ADAM23: variants seen among roughly 807,000 people sequenced by gnomAD.
ADAM23 encodes the protein disintegrin and metalloproteinase domain-containing protein 23.
In ADAM23, 33 loss-of-function variants were observed where a neutral mutation model predicts 120.1. That is an observed-to-expected ratio of 0.27 (90% CI 0.21 to 0.37). The LOEUF (loss-of-function observed/expected upper bound fraction) is 0.37, where lower values mean the gene tolerates loss of function less well. ADAM23 is among the 10% of genes least tolerant of loss of function. The pLI is 1.00. For synonymous variants in ADAM23, 367 were observed against 375.2 expected, an observed-to-expected ratio of 0.98 and a Z score of 0.25; for missense variants, 862 against 1,058.2, an observed-to-expected ratio of 0.81 and a Z score of 2.57.
In ADAM23 at chr2:206,575,694, T is replaced by C. The variant is rs192069304; in HGVS notation, c.1737+2499T>C. On this transcript the variant is annotated intron_variant, in intron 18 of 25. Coordinates refer to ENST00000264377, the MANE Select transcript of ADAM23 (RefSeq NM_003812.4). Reference sequence around the variant, plus strand: ...CTAAAAGTTATCTTTAAGATCCCAGTTCAGGCTATAGCAACAGGTTACTGA... The same window carrying C: ...CTAAAAGTTATCTTTAAGATCCCAGCTCAGGCTATAGCAACAGGTTACTGA... Among the ~76,000 whole-genome samples, 404 of 152,266 alleles carry C rather than the reference T, an allele frequency of 2.7e-3. 2 individuals carry two copies. Among genetic ancestry groups the C allele is most frequent in the African/African-American group, 9.2e-3 (383 of 41,556 alleles).
At chr2:206,585,328 G>C (rs1230651745) in intron 18 of ADAM23, among the ~76,000 whole-genome samples, 4 of 152,172 alleles carry the variant, frequency 2.6e-5, no homozygotes, top group Non-Finnish European at 5.9e-5. Flanking sequence ...AGTGGCTCTG[G>C]ATGGATTAAA....
chr2:206,572,010 C>T (rs1698011155), intron 17 of ADAM23, among the ~76,000 whole-genome samples, 194 bp downstream of exon 17: 1 of 152,142 alleles, frequency 6.6e-6, no homozygotes, highest in African/African-American at 2.4e-5. Flanking sequence ...TATTCACTAC[C>T]AACCATCTTA....
intron 4 of ADAM23, among the ~76,000 whole-genome samples, chr2:206,540,137 A>G (rs1267881752): frequency 6.6e-6 from 1 of 151,114 alleles, no homozygotes; most frequent in Non-Finnish European, 1.5e-5. Flanking sequence ...AGCTGAGATC[A>G]TGCCACTGCA....
At position 206,615,168 on chromosome 2, in the gene ADAM23, T is replaced by C. The variant is rs550550553; in HGVS notation, c.2451-2411T>C. Among the ~76,000 whole-genome samples, 43 of 152,346 alleles carry C rather than the reference T, an allele frequency of 2.8e-4. 1 individual carries two copies. The South Asian group carries it at 8.1e-3, about 29-fold the overall frequency. On this transcript the variant is annotated intron_variant, in intron 25 of 25. Coordinates refer to ENST00000264377, the MANE Select transcript of ADAM23 (RefSeq NM_003812.4). ...CTGAAAGAGTCTTGCTTTAATTTTG[T>C]GTAGATGTTATGTGTATAATGTATA...
chr2:206,582,767 C>T (rs1360464307), intron 18 of ADAM23, among the ~76,000 whole-genome samples: 1 of 152,166 alleles, frequency 6.6e-6, no homozygotes, highest in Non-Finnish European at 1.5e-5. Context: ...GGAAAATTCT[C>T]TCAGCATTTG....
Position 206,557,557 on chromosome 2 carries a change from G to T in ADAM23, c.1005+59G>T, listed in dbSNP as rs112088120. Reference sequence around the variant, plus strand: ...AAGATGGAATGGTTTATCTCTATTTGCTTACTTGTACTTTAGGTATTTCTT... The same window carrying T: ...AAGATGGAATGGTTTATCTCTATTTTCTTACTTGTACTTTAGGTATTTCTT... On this transcript the variant is annotated intron_variant, in intron 10 of 25. Coordinates refer to ENST00000264377, the MANE Select transcript of ADAM23 (RefSeq NM_003812.4). 7.1e-4 allele frequency: 1,016 copies of T among 1,426,346 alleles called. 8 individuals are homozygous for T. In the African/African-American group the frequency reaches 0.011, roughly 16 times the overall value. The allele number at this position is 1,426,346 out of a possible 1,614,324, so 88.4% of individuals were successfully genotyped here. A position where few individuals can be genotyped will look rare whatever the true frequency, so the allele number is the denominator to read the frequency against.
chr2:206,548,293 GTGACCA>G lies in ADAM23; in HGVS notation c.807_812del (p.Asp270_Gln271del), dbSNP rs1196929423. On this transcript the variant is annotated inframe_deletion, in exon 8 of 26. Coordinates refer to ENST00000264377, the MANE Select transcript of ADAM23 (RefSeq NM_003812.4). The stretch of plus-strand genomic sequence containing the variant: ...TTCCTTTCTGCAGCTATGGAAAGAG[GTGACCA>G]GTGGCCCTTTCTCTCTGAATTACAG... 6.2e-7 allele frequency: 1 copy of G among 1,612,432 alleles called. No individual in the cohort carries two copies. The highest frequency in any genetic ancestry group is 1.1e-5 in the South Asian group (1 of 91,066).
At chr2:206,490,306 T>C (rs1181472856) in intron 3 of ADAM23, among the ~76,000 whole-genome samples, 1 of 152,222 alleles carries the variant, frequency 6.6e-6, no homozygotes, top group Non-Finnish European at 1.5e-5. Flanking sequence ...ACTACCAGTC[T>C]GTGGTACTTT....
chr2:206,526,887 C>T (rs1045762834), intron 3 of ADAM23, among the ~76,000 whole-genome samples: 15 of 152,098 alleles, frequency 9.9e-5, no homozygotes, highest in African/African-American at 3.6e-4. Flanking sequence ...TTCTAGAGTT[C>T]CTAGAGTTTT....
chr2:206,543,866 G>A (rs1380513214), intron 6 of ADAM23, among the ~76,000 whole-genome samples: 1 of 152,172 alleles, frequency 6.6e-6, no homozygotes, highest in Non-Finnish European at 1.5e-5. Context: ...TACTATAAGT[G>A]AAGTAACTCA....
intron 4 of ADAM23, 97 bp from the exon 5 acceptor site, chr2:206,541,955 T>C (rs1378774264): frequency 2.4e-6 from 3 of 1,238,868 alleles, no homozygotes; most frequent in Non-Finnish European, 3.6e-6. Context: ...AGTGCACATA[T>C]ATGCCCATCC....
At chr2:206,496,615 C>T (rs1263444743) in intron 3 of ADAM23, among the ~76,000 whole-genome samples, 1 of 151,894 alleles carries the variant, frequency 6.6e-6, no homozygotes, top group Non-Finnish European at 1.5e-5. Context: ...AGCATACACA[C>T]TCAAAAGCTA....
chr2:206,608,585 G>T (rs1698772284), intron 24 of ADAM23, among the ~76,000 whole-genome samples: 1 of 151,224 alleles, frequency 6.6e-6, no homozygotes, highest in African/African-American at 2.4e-5. Flanking sequence ...TATTATTATT[G>T]GTGTATCTCT....
At chr2:206,469,074 C>T (rs1695600806) in intron 2 of ADAM23, among the ~76,000 whole-genome samples, 1 of 152,184 alleles carries the variant, frequency 6.6e-6, no homozygotes. Flanking sequence ...TCCTCATGAT[C>T]ACCTCCTACT....
At chr2:206,551,276 G>A (rs574792390) in intron 9 of ADAM23, among the ~76,000 whole-genome samples, 13 of 152,148 alleles carry the variant, frequency 8.5e-5, no homozygotes, top group Non-Finnish European at 1.6e-4. Flanking sequence ...CTGATGAGGA[G>A]TTAGGAGAGG....
chr2:206,451,476 G>A (rs1695193190), intron 2 of ADAM23, among the ~76,000 whole-genome samples: 1 of 152,208 alleles, frequency 6.6e-6, no homozygotes, highest in Admixed American at 6.5e-5. Flanking sequence ...CTGACCTCAG[G>A]TGATCCGCCC....
intron 6 of ADAM23, 56 bp from the exon 7 acceptor site, chr2:206,547,373 C>G: frequency 1.4e-6 from 2 of 1,438,732 alleles, no homozygotes; most frequent in Non-Finnish European, 1.9e-6. Context: ...AACACTGTTT[C>G]ATAGAGGCTT....
intron 18 of ADAM23, among the ~76,000 whole-genome samples, chr2:206,586,776 A>G (rs1429286065): frequency 6.6e-6 from 1 of 152,248 alleles, no homozygotes; most frequent in Non-Finnish European, 1.5e-5. Context: ...AATAACCATC[A>G]CATCACAGAC....
chr2:206,582,052 A>G (rs1407057344), intron 18 of ADAM23, among the ~76,000 whole-genome samples: 1 of 151,800 alleles, frequency 6.6e-6, no homozygotes, highest in African/African-American at 2.4e-5. Flanking sequence ...TAATTTTTGT[A>G]TTTTTAGTAG....
Sources: gnomAD v4.1 joint callset for allele counts (sites outside exome capture counted in the v4.1 genomes callset) on GRCh38, gnomAD v4.1.1 for gene constraint, MANE v1.5 for transcripts, NCBI Gene and HGNC (gene_info 2026-07-23, HGNC 2026-07-21) for gene names.